PPM1L: variants seen among roughly 807,000 people sequenced by gnomAD.
The protein encoded by PPM1L is protein phosphatase 1L.
In PPM1L, 13 loss-of-function variants were observed where a neutral mutation model predicts 31.4. The observed-to-expected ratio is 0.41, with a 90% CI of 0.27 to 0.66. PPM1L has a LOEUF of 0.66. PPM1L is among the 30% of genes least tolerant of loss of function. The probability of loss-of-function intolerance (pLI) is 0.29; values close to 1 mark genes in which losing one functional copy is unlikely to be tolerated. For synonymous variants in PPM1L, 184 were observed against 175.4 expected (o/e 1.05, Z -0.39); for missense variants, 326 against 453.7 (o/e 0.72, Z 2.56).
At chr3:161,038,585 TAAAAA>T (rs35502476) in intron 2 of PPM1L, among the ~76,000 whole-genome samples, 1,200 of 110,616 alleles carry the variant, frequency 0.011, 22 homozygotes, top group African/African-American at 0.022. Flanking sequence ...GGATTTGTTT[TAAAAA>T]AAAAAAAAAA....
chr3:161,026,266 G>A (rs781547655), intron 2 of PPM1L, among the ~76,000 whole-genome samples: 6 of 152,226 alleles, frequency 3.9e-5, no homozygotes, highest in Non-Finnish European at 7.3e-5. Flanking sequence ...GCATGGTATA[G>A]TTTCAAAAGA....
At chr3:160,809,286 G>T (rs1712735918) in intron 1 of PPM1L, among the ~76,000 whole-genome samples, 1 of 152,160 alleles carries the variant, frequency 6.6e-6, no homozygotes, top group Non-Finnish European at 1.5e-5. Flanking sequence ...AAATGCCAAG[G>T]AAATTGATTA....
At chr3:160,925,434 A>G (rs1393512214) in intron 1 of PPM1L, among the ~76,000 whole-genome samples, 4 of 152,286 alleles carry the variant, frequency 2.6e-5, no homozygotes, top group East Asian at 3.9e-4. Flanking sequence ...CAAAACATCA[A>G]TTCAATTGAG....
At chr3:161,032,539 C>CAA (rs1348061059) in intron 2 of PPM1L, among the ~76,000 whole-genome samples, 3 of 152,092 alleles carry the variant, frequency 2.0e-5, no homozygotes, top group Admixed American at 6.5e-5. Flanking sequence ...CTCAGGTGTT[C>CAA]AACTAACACC....
intron 2 of PPM1L, among the ~76,000 whole-genome samples, chr3:161,012,887 A>T (rs368629993): frequency 6.6e-6 from 1 of 151,520 alleles, no homozygotes; most frequent in South Asian, 2.1e-4. Context: ...TTTTTATTGC[A>T]TCTATTTGAT....
intron 1 of PPM1L, among the ~76,000 whole-genome samples, chr3:160,823,958 A>G (rs1713279894): frequency 6.6e-6 from 1 of 152,176 alleles, no homozygotes; most frequent in Admixed American, 6.6e-5. Flanking sequence ...AGAGACGGGA[A>G]GGACTCCTGC....
chr3:160,954,624 A>G (rs1304319661), intron 1 of PPM1L, among the ~76,000 whole-genome samples: 1 of 152,074 alleles, frequency 6.6e-6, no homozygotes, highest in African/African-American at 2.4e-5. Context: ...TCAGCCTCCC[A>G]AAATCCTAGG....
At position 160,953,796 on chromosome 3, in the gene PPM1L, C is replaced by G. The variant is rs531002906; in HGVS notation, c.400-7940C>G. 5.9e-5 allele frequency among the ~76,000 whole-genome samples: 9 copies of G among 152,230 alleles called. No individual in the cohort carries two copies. In the South Asian group the frequency reaches 1.5e-3, roughly 25 times the overall value. ...GTTTTCAGGCTTACTGTTAAATTTT[C>G]AAGAGTAAATTTAATATGTTGTGTA... On this transcript the variant is annotated intron_variant, in intron 1 of 3. Transcript: ENST00000498165.
chr3:160,984,426 C>A (rs1211127461), intron 2 of PPM1L, among the ~76,000 whole-genome samples: 4 of 152,148 alleles, frequency 2.6e-5, no homozygotes, highest in African/African-American at 9.7e-5. Flanking sequence ...TCTTAAGGTG[C>A]CCAGATTTGA....
At chr3:160,914,743 T>C (rs1337555852) in intron 1 of PPM1L, among the ~76,000 whole-genome samples, 1 of 152,166 alleles carries the variant, frequency 6.6e-6, no homozygotes, top group Non-Finnish European at 1.5e-5. Context: ...AGTGCCGCAC[T>C]AAACATATGT....
chr3:160,795,610 C>A (rs1712224153), intron 1 of PPM1L, among the ~76,000 whole-genome samples: 1 of 152,098 alleles, frequency 6.6e-6, no homozygotes. Context: ...TTTATGGGTG[C>A]CTTTTTATCA....
chr3:160,890,452 A>G (rs1713098677), intron 1 of PPM1L, among the ~76,000 whole-genome samples: 1 of 151,134 alleles, frequency 6.6e-6, no homozygotes, highest in Non-Finnish European at 1.5e-5. Context: ...CCTCTTCAAA[A>G]TACACCACAC....
rs192461547 is a variant in PPM1L at position 161,061,417 on chromosome 3, A to T, written c.575-3986A>T. On this transcript the variant is annotated intron_variant, in intron 2 of 3. Coordinates refer to ENST00000498165, the MANE Select transcript of PPM1L (RefSeq NM_139245.4). The stretch of plus-strand genomic sequence containing the variant: ...TTCACCATGAGGTAGATCTTAATTT[A>T]CCCATAGAAACAGTGGGATTTGTTT... Among the ~76,000 whole-genome samples the T allele has an allele frequency of 2.4e-4, 36 of 152,268 alleles. No individual in the cohort carries two copies. The East Asian group carries it at 6.8e-3, about 29-fold the overall frequency.
At chr3:161,030,056 A>T (rs1718515092) in intron 2 of PPM1L, among the ~76,000 whole-genome samples, 1 of 152,198 alleles carries the variant, frequency 6.6e-6, no homozygotes, top group African/African-American at 2.4e-5. Context: ...GAGCTGCTTC[A>T]TGCCTGTCTC....
At chr3:160,783,698 C>T (rs1196939032) in intron 1 of PPM1L, among the ~76,000 whole-genome samples, 1 of 151,972 alleles carries the variant, frequency 6.6e-6, no homozygotes, top group Non-Finnish European at 1.5e-5. Context: ...CTATGGTTGA[C>T]TTGATTGACT....
Position 160,953,759 on chromosome 3 carries a change from G to C in PPM1L, c.400-7977G>C, listed in dbSNP as rs114496809. ...GGTGGTGGATATTCCCTAAAATATG[G>C]AGAGATGAATAGTTTTCAGGCTTAC... is the stretch of plus-strand genomic sequence containing the variant. On this transcript the variant is annotated intron_variant, in intron 1 of 3. Transcript: ENST00000498165. 4.2e-3 allele frequency among the ~76,000 whole-genome samples: 647 copies of C among 152,286 alleles called. 2 individuals carry two copies. The highest frequency in any genetic ancestry group is 0.015 in the African/African-American group (621 of 41,560).
Position 160,756,322 on chromosome 3 carries a change from C to T in PPM1L, c.14C>T (p.Thr5Ile). ...TAGCGATAATAAATGATAGAGGATA[C>T]AATGACTTTGCTGTCTCTGCTGGGT... Reference protein sequence around the residue: MIEDTMTLLSLLGRI... With the variant: MIEDIMTLLSLLGRI... Residue 5 changes from threonine (T) to isoleucine (I), a missense_variant, in exon 1 of 4, where the codon ACA (threonine) becomes ATA (isoleucine). Thr to Ile is a moderately conservative substitution (Grantham distance 89). Coordinates refer to ENST00000498165, the MANE Select transcript of PPM1L (RefSeq NM_139245.4). The surrounding 1 kb of genome is among the most constrained non-coding windows in gnomAD (Gnocchi z 6.2). 1.2e-6 allele frequency: 2 copies of T among 1,613,182 alleles called. No individual in the cohort carries two copies. Among genetic ancestry groups the T allele is most frequent in the Non-Finnish European group, 1.7e-6 (2 of 1,179,312 alleles).
intron 1 of PPM1L, among the ~76,000 whole-genome samples, chr3:160,809,374 T>TA: frequency 1.3e-5 from 2 of 152,244 alleles, no homozygotes; most frequent in Middle Eastern, 6.8e-3. Context: ...TCTTCCTCCC[T>TA]ACATGGAGTT....
At chr3:160,933,497 G>A (rs1488038771) in intron 1 of PPM1L, among the ~76,000 whole-genome samples, 1 of 152,058 alleles carries the variant, frequency 6.6e-6, no homozygotes, top group Non-Finnish European at 1.5e-5. Context: ...ATTTCTTGTT[G>A]TTCATTATCA....
Sources: gnomAD v4.1 joint callset for allele counts (sites outside exome capture counted in the v4.1 genomes callset) on GRCh38, gnomAD v4.1.1 for gene constraint, Gnocchi (gnomAD v3.1) non-coding constraint, MANE v1.5 for transcripts, NCBI Gene and HGNC (gene_info 2026-07-23, HGNC 2026-07-21) for gene names.